TMEM216: variants seen among roughly 807,000 people sequenced by gnomAD.
The protein encoded by TMEM216 is cerebello-oculo-renal syndrome 2.
In TMEM216, 15 loss-of-function variants were observed where a neutral mutation model predicts 17.8. The observed-to-expected ratio is 0.84, with a 90% CI of 0.56 to 1.30. TMEM216 has a LOEUF of 1.30. Ranked by LOEUF, TMEM216 falls within the 50% of genes most tolerant of loss-of-function variation. TMEM216 has a pLI of 0.00. For missense variants in TMEM216, 160 were observed against 175.7 expected (o/e 0.91, Z 0.51); for synonymous variants, 58 against 73.5 (o/e 0.79, Z 1.08).
chr11:61,393,011 G>A (rs1858710035), intron 1 of TMEM216: 3 of 548,444 alleles, frequency 5.5e-6, no homozygotes, highest in Non-Finnish European at 7.0e-6. Flanking sequence ...TCCTGAAGCC[G>A]AAGAGTCGAG....
rs768069891 is a variant in TMEM216 at position 61,398,260 on chromosome 11, G to A, written c.432-10G>A. ...TAACATTTTCTTTCTTTCTGCCATC[G>A]TATGGACAGGATTTGAAGTACAGAA... On this transcript the variant is annotated splice_polypyrimidine_tract_variant and intron_variant, in intron 4 of 4. Transcript: ENST00000515837. 5 of 1,463,172 alleles carry A rather than the reference G, an allele frequency of 3.4e-6. No homozygotes were observed. The highest frequency in any genetic ancestry group is 2.5e-5 in the East Asian group (1 of 39,678). 90.6% of individuals were successfully genotyped at this position (1,463,172 alleles called of 1,614,324 possible).
At position 61,397,868 on chromosome 11, in the gene TMEM216, G is replaced by A. The variant is rs528921796; in HGVS notation, c.324G>A (p.Leu108=). The A allele has an allele frequency of 1.1e-5, 17 of 1,614,032 alleles. No individual in the cohort carries two copies. The East Asian group carries it at 3.1e-4, about 30-fold the overall frequency. The change falls in exon 4 of 5, where the codon CTG becomes CTA. Residue 108 remains leucine, a synonymous_variant. Transcript: ENST00000515837. The stretch of plus-strand genomic sequence containing the variant: ...CCATGATGGCCTCCTATTACCTGCT[G>A]CTGCAGACCTACGTACTCCGCCTGG... The part of the protein sequence containing the change: ...PSAMMASYYL[L]LQTYVLRLEA...
At chr11:61,392,872 G>T in intron 1 of TMEM216, 1 of 985,400 alleles carries the variant, frequency 1.0e-6, no homozygotes. Flanking sequence ...CAGATCCTTG[G>T]CTGGGCCACT....
intron 3 of TMEM216, 116 bp downstream of exon 3, chr11:61,394,092 C>A: frequency 2.3e-6 from 2 of 882,288 alleles, no homozygotes; most frequent in Non-Finnish European, 3.7e-6. Context: ...ATCTGTATAT[C>A]CTATTACTCC....
chr11:61,398,137 C>A, intron 4 of TMEM216, 133 bp from the exon 5 acceptor site: 2 of 1,402,618 alleles, frequency 1.4e-6, no homozygotes, highest in South Asian at 1.2e-5. Context: ...GTAGGTAGAT[C>A]GTTTCCCACT....
intron 3 of TMEM216, among the ~76,000 whole-genome samples, chr11:61,397,389 C>T (rs1858823462): frequency 6.6e-6 from 1 of 152,018 alleles, no homozygotes. Flanking sequence ...GGATGGTCTC[C>T]ATCTCCTGAC....
chr11:61,392,713 G>T (rs1240478365), intron 1 of TMEM216, 48 bp downstream of exon 1: 8 of 1,535,816 alleles, frequency 5.2e-6, no homozygotes, highest in Non-Finnish European at 7.0e-6. Context: ...CCCTTCGGTC[G>T]CTCCCTCCCA....
At chr11:61,394,170 G>A in intron 3 of TMEM216, 194 bp downstream of exon 3, 1 of 565,782 alleles carries the variant, frequency 1.8e-6, no homozygotes, top group Non-Finnish European at 3.2e-6. Context: ...GCTCTGTAAG[G>A]CTAGAGATGG....
chr11:61,397,880 C>T lies in TMEM216; in HGVS notation c.336C>T (p.Tyr112=), dbSNP rs147267631. 1.2e-5 allele frequency: 19 copies of T among 1,614,016 alleles called. No individual in the cohort carries two copies. The East Asian group carries it at 2.2e-4, about 19-fold the overall frequency. The change falls in exon 4 of 5, where the codon TAC becomes TAT. Residue 112 remains tyrosine, a synonymous_variant. Coordinates refer to ENST00000515837, the MANE Select transcript of TMEM216 (RefSeq NM_001173990.3). ...MASYYLLLQT[Y]VLRLEAIMNG... ...CCTATTACCTGCTGCTGCAGACCTA[C>T]GTACTCCGCCTGGAAGCCATCATGA...
chr11:61,398,246 T>C, intron 4 of TMEM216, 24 bp from the exon 5 acceptor site: 1 of 1,514,774 alleles, frequency 6.6e-7, no homozygotes. Context: ...AACATTTTCT[T>C]TCTTTCTGCC....
chr11:61,393,136 C>G (rs1858714504), intron 1 of TMEM216, 95 bp from the exon 2 acceptor site: 1 of 882,600 alleles, frequency 1.1e-6, no homozygotes, highest in African/African-American at 1.7e-5. Flanking sequence ...CCATTAGTTG[C>G]AGCGTCTAGT....
In TMEM216 at chr11:61,397,966, C is replaced by T; in HGVS notation, c.422C>T (p.Ala141Val). 1.2e-6 allele frequency: 2 copies of T among 1,613,744 alleles called. No homozygotes were observed. The highest frequency in any genetic ancestry group is 8.5e-7 in the Non-Finnish European group (1 of 1,179,880). ...TTACTTGAGGTGCTCACCTTGGCTG[C>T]TTTCTCCAGGTACTGCTGCTGAGGG... The part of the protein sequence containing the change: ...ELLLEVLTLA[A>V]FSRI The change falls in exon 4 of 5, where the codon GCT becomes GTT. Residue 141 changes from alanine to valine, a missense_variant. Ala to Val is a moderately conservative substitution (Grantham distance 64). Coordinates refer to ENST00000515837, the MANE Select transcript of TMEM216 (RefSeq NM_001173990.3).
intron 3 of TMEM216, among the ~76,000 whole-genome samples, chr11:61,394,594 CTT>C (rs1158217285): frequency 2.0e-5 from 3 of 151,526 alleles, no homozygotes; most frequent in African/African-American, 7.3e-5. Context: ...GTCTCGATCT[CTT>C]GACCTTGTGA....
chr11:61,393,829 G>C (rs376940912), intron 2 of TMEM216, 55 bp from the exon 3 acceptor site: 9 of 1,424,764 alleles, frequency 6.3e-6, no homozygotes, highest in African/African-American at 1.4e-5. Context: ...GTGTGTGGCA[G>C]TTCTTGTGGG....
rs199502853 is a variant in TMEM216, at chr11:61,398,312, C to T, written c.*36C>T. On this transcript the variant is annotated 3_prime_UTR_variant, in exon 5 of 5. Transcript: ENST00000515837. ...TTCAGCCAGCAGCCCATCAGGCTGA[C>T]ACCACACATATTGCTTCTGGTACTT... 86 of 1,606,020 alleles carry T rather than the reference C, an allele frequency of 5.4e-5. No homozygotes were observed. Among genetic ancestry groups the T allele is most frequent in the Admixed American group, 1.0e-4 (6 of 59,524 alleles).
chr11:61,394,731 A>G (rs1858761065), intron 3 of TMEM216, among the ~76,000 whole-genome samples: 1 of 148,660 alleles, frequency 6.7e-6, no homozygotes, highest in Admixed American at 6.7e-5. Flanking sequence ...CAGTGGCACC[A>G]TCTCGGCTCA....
At chr11:61,397,386 C>G (rs372497071) in intron 3 of TMEM216, among the ~76,000 whole-genome samples, 3 of 152,210 alleles carry the variant, frequency 2.0e-5, no homozygotes, top group East Asian at 3.9e-4. Flanking sequence ...CCAGGATGGT[C>G]TCCATCTCCT....
intron 1 of TMEM216, 178 bp downstream of exon 1, chr11:61,392,843 T>G (rs1590641316): frequency 1.0e-6 from 1 of 985,268 alleles, no homozygotes; most frequent in Admixed American, 6.2e-5. Context: ...GGTCTCAAGG[T>G]GCACAGCTCA....
chr11:61,393,169 C>T, intron 1 of TMEM216, 62 bp from the exon 2 acceptor site: 1 of 1,292,398 alleles, frequency 7.7e-7, no homozygotes, highest in East Asian at 2.5e-5. Flanking sequence ...AGACACCAAC[C>T]CATACGAGCA....
Sources: gnomAD v4.1 joint callset for allele counts (sites outside exome capture counted in the v4.1 genomes callset) on GRCh38, gnomAD v4.1.1 for gene constraint, MANE v1.5 for transcripts, NCBI Gene and HGNC (gene_info 2026-07-23, HGNC 2026-07-21) for gene names.